FEZ1: variants seen among roughly 807,000 people sequenced by gnomAD.
FEZ1 encodes the protein fasciculation and elongation protein zeta 1.
A neutral mutation model predicts 49.3 loss-of-function variants in FEZ1; 20 were observed. The ratio of observed to expected loss-of-function variants is 0.41; its 90% CI spans 0.29 to 0.59. The LOEUF (loss-of-function observed/expected upper bound fraction) is 0.59, where lower values mean the gene tolerates loss of function less well. Among genes scored for constraint, FEZ1 ranks in the 20% least tolerant of loss-of-function variants. The pLI, the probability that FEZ1 is intolerant of heterozygous loss-of-function variation, is 0.36. For synonymous variants in FEZ1, 170 were observed against 180.9 expected (o/e 0.94, Z 0.48); for missense variants, 413 against 476.0 (o/e 0.87, Z 1.23).
chr11:125,469,512 G>A lies in FEZ1; in HGVS notation c.412-5942C>T, dbSNP rs554223248. ...TGAGCACAAGCAATTCACCTGCCTC[G>A]GCCTCCTAAAGTGTTGAGATTACAG... On this transcript the variant is annotated intron_variant, in intron 3 of 9. Transcript: ENST00000278919. Among the ~76,000 whole-genome samples, 10 of 152,234 alleles carry A rather than the reference G, an allele frequency of 6.6e-5. 1 individual carries two copies. The highest frequency in any genetic ancestry group is 2.1e-4 in the South Asian group (1 of 4,824).
At chr11:125,452,257 C>A in intron 8 of FEZ1, 77 bp downstream of exon 8, 2 of 984,386 alleles carry the variant, frequency 2.0e-6, no homozygotes, top group South Asian at 1.3e-5. Flanking sequence ...CTCGGGCCTG[C>A]GGCACGGAGG....
chr11:125,481,717 G>T, intron 2 of FEZ1, 84 bp from the exon 3 acceptor site: 1 of 940,734 alleles, frequency 1.1e-6, no homozygotes. Flanking sequence ...CGGGAGAGGA[G>T]AGAGGCTTCT....
rs1362016294 is a variant in FEZ1, at chr11:125,444,196, A to G, written c.*1899T>C. On this transcript the variant is annotated 3_prime_UTR_variant, in exon 10 of 10. Coordinates refer to ENST00000278919, the MANE Select transcript of FEZ1 (RefSeq NM_005103.5). ...TATGGAGAAGCTCTGCTCTGGGCAG[A>G]TGCCTGGACTAGAGCTTTAGGCATT... Among the ~76,000 whole-genome samples, 1 of 152,192 alleles carries G rather than the reference A, an allele frequency of 6.6e-6. No homozygotes were observed. The highest frequency in any genetic ancestry group is 1.5e-5 in the Non-Finnish European group (1 of 68,028).
chr11:125,485,939 C>T (rs1436993692), intron 2 of FEZ1, among the ~76,000 whole-genome samples: 1 of 152,166 alleles, frequency 6.6e-6, no homozygotes, highest in African/African-American at 2.4e-5. Context: ...GAGTGAGACT[C>T]TGTCTCAAAA....
intron 2 of FEZ1, among the ~76,000 whole-genome samples, chr11:125,484,399 C>T (rs2135781658): frequency 6.6e-6 from 1 of 152,352 alleles, no homozygotes; most frequent in South Asian, 2.1e-4. Context: ...TTCCTAACCA[C>T]TTAACAATTC....
rs143280140 is a variant in FEZ1 at position 125,491,441 on chromosome 11, G to A, written c.-45-1619C>T. On this transcript the variant is annotated intron_variant, in intron 1 of 9. Transcript: ENST00000278919. ...CTAGGCAGTCAATCAATATGTGCTC[G>A]TTGAAAAAATGATCTATCTCCCACA... Among the ~76,000 whole-genome samples the A allele has an allele frequency of 6.5e-3, 982 of 152,162 alleles. 5 individuals are homozygous for A. The highest frequency in any genetic ancestry group is 0.021 in the African/African-American group (892 of 41,514).
chr11:125,489,869 A>T lies in FEZ1; in HGVS notation c.-45-47T>A. On this transcript the variant is annotated intron_variant, in intron 1 of 9. Coordinates refer to ENST00000278919, the MANE Select transcript of FEZ1 (RefSeq NM_005103.5). This position sits in a 1 kb window ranked among gnomAD's most constrained non-coding sequence, Gnocchi z 4.2. ...ATGTGAGTTTAGACCAGGCTAATCTAAATAATAGAGTTAACTTTAGAGACA... is the reference window on the plus strand; with the variant it reads ...ATGTGAGTTTAGACCAGGCTAATCTTAATAATAGAGTTAACTTTAGAGACA... 1 of 1,436,368 alleles carries T rather than the reference A, an allele frequency of 7.0e-7. No individual in the cohort carries two copies. The allele number at this position is 1,436,368 out of a possible 1,614,324, so 89.0% of individuals were successfully genotyped here.
chr11:125,458,033 G>T (rs1353839374), intron 5 of FEZ1, among the ~76,000 whole-genome samples: 1 of 152,106 alleles, frequency 6.6e-6, no homozygotes, highest in Non-Finnish European at 1.5e-5. Context: ...CCTTTGTGTG[G>T]CTGGGAAGGG....
chr11:125,480,297 G>A (rs532966319), intron 3 of FEZ1, among the ~76,000 whole-genome samples: 1 of 152,212 alleles, frequency 6.6e-6, no homozygotes, highest in African/African-American at 2.4e-5. Flanking sequence ...AAGGCTGGAG[G>A]ATCACTTGAG....
At chr11:125,454,656 A>T (rs1483182753) in intron 6 of FEZ1, among the ~76,000 whole-genome samples, 1 of 152,150 alleles carries the variant, frequency 6.6e-6, no homozygotes, top group Non-Finnish European at 1.5e-5. Context: ...TAGGTCTGTG[A>T]TAGAGCCTAG....
chr11:125,490,125 A>G (rs12292308), intron 1 of FEZ1, among the ~76,000 whole-genome samples: 1,830 of 152,324 alleles, frequency 0.012, 34 homozygotes, highest in African/African-American at 0.032. Context: ...TTAAAACAGT[A>G]CCTGGAAGAT....
intron 3 of FEZ1, among the ~76,000 whole-genome samples, chr11:125,472,913 T>G (rs1957195646): frequency 6.6e-6 from 1 of 152,182 alleles, no homozygotes; most frequent in South Asian, 2.1e-4. Context: ...TAAATTGATC[T>G]ACATATATAA....
At chr11:125,492,076 T>C (rs868839064) in intron 1 of FEZ1, among the ~76,000 whole-genome samples, 6 of 152,350 alleles carry the variant, frequency 3.9e-5, no homozygotes, top group Non-Finnish European at 8.8e-5. Flanking sequence ...ATCCAAAGTG[T>C]TACCATTTCA....
chr11:125,493,469 AGAAGGAAAGAAG>A lies in FEZ1; in HGVS notation c.-46+2640_-46+2651del, dbSNP rs1565307153. 1.7e-3 allele frequency among the ~76,000 whole-genome samples: 138 copies of A among 80,648 alleles called. 5 individuals carry two copies. Among genetic ancestry groups the A allele is most frequent in the Middle Eastern group, 5.3e-3 (1 of 190 alleles). 52.9% of individuals were successfully genotyped at this position (80,648 alleles called of 152,430 possible). The stretch of plus-strand genomic sequence containing the variant: ...AAGAAGGAAAGAAGGAAAGAAGGAA[AGAAGGAAAGAAG>A]GAAAGAAGGAAAGAAAGAAAGAAAG... On this transcript the variant is annotated intron_variant, in intron 1 of 9. Transcript: ENST00000278919.
At chr11:125,446,398 A>T (rs1229687938) in intron 9 of FEZ1, among the ~76,000 whole-genome samples, 1 of 152,208 alleles carries the variant, frequency 6.6e-6, no homozygotes, top group Admixed American at 6.5e-5. Flanking sequence ...TCATCAATAC[A>T]ATAGAACGTA....
At chr11:125,448,949 TG>T (rs1211245204) in intron 8 of FEZ1, among the ~76,000 whole-genome samples, 4 of 151,924 alleles carry the variant, frequency 2.6e-5, no homozygotes, top group African/African-American at 9.7e-5. Flanking sequence ...TCACGCAATA[TG>T]CCCCCGTAAC....
chr11:125,448,931 G>C (rs1956922378), intron 8 of FEZ1, among the ~76,000 whole-genome samples: 1 of 152,036 alleles, frequency 6.6e-6, no homozygotes, highest in African/African-American at 2.4e-5. Flanking sequence ...CAAAGTACTT[G>C]AGAGGCATCA....
At chr11:125,459,148 G>A (rs1445685883) in intron 5 of FEZ1, among the ~76,000 whole-genome samples, 1 of 152,116 alleles carries the variant, frequency 6.6e-6, no homozygotes, top group African/African-American at 2.4e-5. Flanking sequence ...ACTCCCTTCC[G>A]ACTCCAAATT....
chr11:125,445,166 G>C lies in FEZ1; in HGVS notation c.*929C>G, dbSNP rs1956888028. Among the ~76,000 whole-genome samples, 1 of 152,220 alleles carries C rather than the reference G, an allele frequency of 6.6e-6. No individual in the cohort carries two copies. Among genetic ancestry groups the C allele is most frequent in the Admixed American group, 6.5e-5 (1 of 15,288 alleles). ...AGGAGTCAGAGCTGCTGTTCATGGA[G>C]GGCCGCGGGAAGGGCCAGGACAGCA... On this transcript the variant is annotated 3_prime_UTR_variant, in exon 10 of 10. Transcript: ENST00000278919. This position sits in a 1 kb window ranked among gnomAD's most constrained non-coding sequence, Gnocchi z 4.4.
Sources: gnomAD v4.1 joint callset for allele counts (sites outside exome capture counted in the v4.1 genomes callset) on GRCh38, gnomAD v4.1.1 for gene constraint, Gnocchi (gnomAD v3.1) non-coding constraint, MANE v1.5 for transcripts, NCBI Gene and HGNC (gene_info 2026-07-23, HGNC 2026-07-21) for gene names.